The following C11orf71 variants were observed in gnomAD, a reference collection of about 807,000 sequenced individuals.
The protein encoded by C11orf71 is chromosome 11 open reading frame 71, also known as uncharacterized protein C11orf71.
For synonymous variants in C11orf71, 72 were observed against 73.4 expected (o/e 0.98, Z 0.09); for missense variants, 179 against 167.6 (o/e 1.07, Z -0.38).
downstream of C11orf71, among the ~76,000 whole-genome samples, chr11:114,398,098 T>C (rs569946185): frequency 2.0e-5 from 3 of 152,342 alleles, no homozygotes; most frequent in East Asian, 5.8e-4. Context: ...TTTGAGGTGG[T>C]ATTTTCCACT....
downstream of C11orf71, among the ~76,000 whole-genome samples, chr11:114,394,249 TTTCTTTTCTTTTCTTTTCTTTTCTTTTC>T (rs1946105733): frequency 1.6e-5 from 1 of 61,052 alleles, no homozygotes. Context: ...TTTCTTTTCT[TTTCTTTTCTTTTCTTTTCTTTTCTTTTC>T]TTTTCTTTTC....
At chr11:114,394,265 T>TTCTTTTCTTTTCTTTTCTTG (rs1946108310), downstream of C11orf71, among the ~76,000 whole-genome samples, 3 of 60,412 alleles carry the variant, frequency 5.0e-5, no homozygotes, top group East Asian at 2.6e-3. Flanking sequence ...TTCTTTTCTT[T>TTCTTTTCTTTTCTTTTCTTG]TCTTTTCTTT....
At chr11:114,395,262 T>C (rs1383303333), downstream of C11orf71, among the ~76,000 whole-genome samples, 1 of 152,194 alleles carries the variant, frequency 6.6e-6, no homozygotes, top group Non-Finnish European at 1.5e-5. Context: ...GTCAATATAG[T>C]TCATTTTTTG....
At chr11:114,394,216 TTC>T (rs1946100237), downstream of C11orf71, among the ~76,000 whole-genome samples, 1 of 58,100 alleles carries the variant, frequency 1.7e-5, no homozygotes, top group East Asian at 5.5e-4. Context: ...TTCTTTTCTT[TTC>T]TTTTCTTTTC....
chr11:114,397,280 A>C (rs2135342193), downstream of C11orf71, among the ~76,000 whole-genome samples: 1 of 152,336 alleles, frequency 6.6e-6, no homozygotes, highest in South Asian at 2.1e-4. Flanking sequence ...ATACTATATA[A>C]AAATTCATTT....
downstream of C11orf71, among the ~76,000 whole-genome samples, chr11:114,397,087 T>C (rs1565257457): frequency 1.3e-5 from 2 of 152,268 alleles, no homozygotes; most frequent in Middle Eastern, 3.4e-3. Flanking sequence ...GAAGTAAATA[T>C]CTTATTAGGG....
At chr11:114,392,428 C>T (rs1300888053) in intron 1 of C11orf71, among the ~76,000 whole-genome samples, 1 of 146,906 alleles carries the variant, frequency 6.8e-6, no homozygotes, top group Non-Finnish European at 1.5e-5. Context: ...ATCCCAGCTA[C>T]TGAGGAGGCT....
Position 114,399,047 on chromosome 11 carries a change from A to G in C11orf71, c.*913T>C, listed in dbSNP as rs1946152318. ...AGAAGAACCAGGATAGTGCAGTATT[A>G]TGATGAAAAAAAAAAAAAAAAAGTC... On this transcript the variant is annotated 3_prime_UTR_variant, in exon 1 of 1. Transcript: ENST00000623205. 8.4e-6 allele frequency: 1 copy of G among 119,168 alleles called. No individual in the cohort carries two copies. Among genetic ancestry groups the G allele is most frequent in the Non-Finnish European group, 1.8e-5 (1 of 56,614 alleles). 7.4% of individuals were successfully genotyped at this position (119,168 alleles called of 1,614,324 possible).
At chr11:114,391,910 G>GTT (rs34102225) in intron 1 of C11orf71, among the ~76,000 whole-genome samples, 48 of 143,108 alleles carry the variant, frequency 3.4e-4, no homozygotes, top group African/African-American at 1.8e-4. Flanking sequence ...AGTTAAAGCT[G>GTT]TTTTTTTTTT....
At chr11:114,394,208 CTTTTCT>C (rs1437056988), downstream of C11orf71, among the ~76,000 whole-genome samples, 1 of 40,390 alleles carries the variant, frequency 2.5e-5, no homozygotes, top group African/African-American at 1.3e-4. Context: ...CTTTTCTTTT[CTTTTCT>C]TTTCTTTTCT....
rs1467297199 is a variant in C11orf71 at position 114,399,721 on chromosome 11, C to T, written c.*239G>A. The T allele has an allele frequency of 1.8e-6, 1 of 568,312 alleles. No individual in the cohort carries two copies. Among genetic ancestry groups the T allele is most frequent in the Non-Finnish European group, 2.9e-6 (1 of 344,978 alleles). The allele number at this position is 568,312 out of a possible 1,614,324, so 35.2% of individuals were successfully genotyped here. On this transcript the variant is annotated 3_prime_UTR_variant, in exon 1 of 1. Coordinates refer to ENST00000623205, the MANE Select transcript of C11orf71 (RefSeq NM_001271562.2). ...TGCTCCCATCAGCTCAGCTTTGTGA[C>T]GACCTAAGAATATCCCTTCCACACC... is the stretch of plus-strand genomic sequence containing the variant.
chr11:114,399,786 A>T lies in C11orf71; in HGVS notation c.*174T>A. The T allele has an allele frequency of 2.0e-6, 2 of 1,003,012 alleles. No individual in the cohort carries two copies. Among genetic ancestry groups the T allele is most frequent in the Non-Finnish European group, 2.8e-6 (2 of 713,118 alleles). The allele number at this position is 1,003,012 out of a possible 1,614,324, so 62.1% of individuals were successfully genotyped here. On this transcript the variant is annotated 3_prime_UTR_variant, in exon 1 of 1. Transcript: ENST00000623205. ...CGTTCTGGCTGCATAAAACCACCTA[A>T]ATCAATCAACTGTTACACTTCCCTT...
At chr11:114,394,287 CTCTTATT>C (rs1565256794), downstream of C11orf71, among the ~76,000 whole-genome samples, 326 of 71,242 alleles carry the variant, frequency 4.6e-3, 24 homozygotes, top group Middle Eastern at 0.015. Flanking sequence ...CTTTTCTTTT[CTCTTATT>C]TTCTTTTCTT....
downstream of C11orf71, among the ~76,000 whole-genome samples, chr11:114,394,228 C>CTTTTCTTTCCTTTCCTTTCTTTTCT: frequency 3.3e-4 from 16 of 48,702 alleles, 1 homozygote; most frequent in Non-Finnish European, 4.7e-4. Context: ...CTTTTCTTTT[C>CTTTTCTTTCCTTTCCTTTCTTTTCT]TTTCTTTTCT....
At chr11:114,394,283 T>TC (rs1565256769), downstream of C11orf71, among the ~76,000 whole-genome samples, 65 of 83,702 alleles carry the variant, frequency 7.8e-4, 3 homozygotes, top group African/African-American at 4.3e-3. Flanking sequence ...TTTTCTTTTC[T>TC]TTTCTCTTAT....
At position 114,400,402 on chromosome 11, in the gene C11orf71, C is replaced by CCACAATG; in HGVS notation, c.-72_-71insCATTGTG. On this transcript the variant is annotated 5_prime_UTR_variant, in exon 1 of 1. It removes the in-frame stop codon of an upstream open reading frame in the 5' UTR. Transcript: ENST00000623205. Reference sequence around the variant, plus strand: ...GCAGGCCCTTCGCGGCTCCCCAGATCAGTCCAGCCTGTGTCGGACCCGATG... The same window carrying CCACAATG: ...GCAGGCCCTTCGCGGCTCCCCAGATCCACAATGAGTCCAGCCTGTGTCGGACCCGATG... 6.7e-7 allele frequency: 1 copy of CCACAATG among 1,501,204 alleles called. No homozygotes were observed. Among genetic ancestry groups the CCACAATG allele is most frequent in the Non-Finnish European group, 8.9e-7 (1 of 1,122,664 alleles). 93.0% of individuals were successfully genotyped at this position (1,501,204 alleles called of 1,614,324 possible). A position where few individuals can be genotyped will look rare whatever the true frequency, so the allele number is the denominator to read the frequency against.
At chr11:114,394,964 A>T (rs537839470), downstream of C11orf71, among the ~76,000 whole-genome samples, 28 of 150,722 alleles carry the variant, frequency 1.9e-4, no homozygotes, top group Non-Finnish European at 4.0e-4. Flanking sequence ...CAGACAAAAG[A>T]GACTACAATT....
At chr11:114,394,094 C>G (rs975762056), downstream of C11orf71, among the ~76,000 whole-genome samples, 9 of 152,010 alleles carry the variant, frequency 5.9e-5, no homozygotes, top group African/African-American at 2.2e-4. Context: ...ATTCTCCTGC[C>G]TCAGCCTCCC....
intron 1 of C11orf71, among the ~76,000 whole-genome samples, chr11:114,392,548 A>AAAGAAG (rs770233378): frequency 0.022 from 2,698 of 124,266 alleles, 64 homozygotes; most frequent in Non-Finnish European, 0.032. Context: ...AAAAAAAAAA[A>AAAGAAG]AAGAAGAAGA....
Sources: allele counts gnomAD v4.1 joint callset (sites outside exome capture counted in the v4.1 genomes callset), GRCh38; gene constraint gnomAD v4.1.1; transcripts MANE v1.5; gene names NCBI Gene and HGNC (gene_info 2026-07-23, HGNC 2026-07-21).